The following PARP8 variants were observed in gnomAD, a reference collection of about 807,000 sequenced individuals.
PARP8 encodes protein mono-ADP-ribosyltransferase PARP8.
In PARP8, 51 loss-of-function variants were observed where a neutral mutation model predicts 124.1. The observed-to-expected ratio is 0.41, with a 90% confidence interval of 0.33 to 0.52. PARP8 has a LOEUF of 0.52. Among genes scored for constraint, PARP8 ranks in the 20% least tolerant of loss-of-function variants. PARP8 has a pLI of 0.21. For missense variants in PARP8, 860 were observed against 1,018.9 expected, an observed-to-expected ratio of 0.84 and a Z score of 2.12; for synonymous variants, 391 against 361.5, an observed-to-expected ratio of 1.08 and a Z score of -0.93.
intron 9 of PARP8, among the ~76,000 whole-genome samples, chr5:50,779,533 G>T (rs192461090): frequency 3.9e-5 from 6 of 152,166 alleles, no homozygotes; most frequent in Middle Eastern, 3.2e-3. Context: ...TCTTCATGTG[G>T]TTTGGACTTC....
chr5:50,668,337 C>T (rs940158223), intron 2 of PARP8: 28 of 586,610 alleles, frequency 4.8e-5, no homozygotes, highest in African/African-American at 3.6e-4. Context: ...GACCACGCCA[C>T]AGGCAATGAG....
At chr5:50,835,057 A>G in intron 25 of PARP8, 42 bp downstream of exon 25, 1 of 1,543,724 alleles carries the variant, frequency 6.5e-7, no homozygotes, top group Non-Finnish European at 8.9e-7. Context: ...TGTCTTTGCC[A>G]CAAATGGGTT....
chr5:50,798,782 T>G (rs1380224906), intron 14 of PARP8, among the ~76,000 whole-genome samples: 1 of 152,220 alleles, frequency 6.6e-6, no homozygotes, highest in Non-Finnish European at 1.5e-5. Context: ...ACTTCCCTGA[T>G]GACTGACTAA....
chr5:50,792,529 GTCTT>G (rs1394589774), intron 10 of PARP8, among the ~76,000 whole-genome samples: 1 of 151,398 alleles, frequency 6.6e-6, no homozygotes. Context: ...AGCACTTGCC[GTCTT>G]TCTTAAAGAA....
At chr5:50,754,150 T>TATATATATACAC (rs1312947286) in intron 3 of PARP8, among the ~76,000 whole-genome samples, 9 of 37,192 alleles carry the variant, frequency 2.4e-4, no homozygotes, top group African/African-American at 1.1e-3. Context: ...TATATATATA[T>TATATATATACAC]ACACACACAC....
chr5:50,778,007 AAC>A, intron 7 of PARP8, 60 bp from the exon 8 acceptor site: 1 of 1,257,288 alleles, frequency 8.0e-7, no homozygotes. Context: ...AAAATAACCT[AAC>A]ACACACCATC....
intron 7 of PARP8, among the ~76,000 whole-genome samples, chr5:50,776,349 T>C (rs917872584): frequency 2.0e-5 from 3 of 152,214 alleles, no homozygotes; most frequent in African/African-American, 7.2e-5. Context: ...TGTAGTTTTC[T>C]TTTTGTTGTT....
chr5:50,674,288 T>C (rs2149435997), intron 2 of PARP8, among the ~76,000 whole-genome samples: 1 of 152,340 alleles, frequency 6.6e-6, no homozygotes, highest in Non-Finnish European at 1.5e-5. Context: ...CAGTATCACA[T>C]CTTTTGAGCC....
intron 2 of PARP8, 61 bp downstream of exon 2, chr5:50,668,186 T>C (rs1457215593): frequency 2.1e-6 from 3 of 1,437,840 alleles, no homozygotes; most frequent in African/African-American, 1.4e-5. Context: ...CCTTTGTTCT[T>C]AGCGTGTTCC....
rs73102808 is a variant in PARP8, at chr5:50,799,760, C to T, written c.1575+2527C>T. Among the ~76,000 whole-genome samples, 141 of 152,234 alleles carry T rather than the reference C, an allele frequency of 9.3e-4. 1 individual carries two copies. Among genetic ancestry groups the T allele is most frequent in the African/African-American group, 3.3e-3 (136 of 41,536 alleles). ...TGGGTTGTTTGGAAGGCGATTAGGT[C>T]ATGAGGGTGGTGCCCTCATGAACAG... On this transcript the variant is annotated intron_variant, in intron 14 of 25. Transcript: ENST00000281631.
intron 2 of PARP8, among the ~76,000 whole-genome samples, chr5:50,723,194 TA>T (rs1326521653): frequency 6.6e-6 from 1 of 152,106 alleles, no homozygotes; most frequent in Admixed American, 6.6e-5. Context: ...TTTGATAAAT[TA>T]AAAAATATTT....
At chr5:50,817,541 G>C (rs1185539169) in intron 15 of PARP8, among the ~76,000 whole-genome samples, 2 of 152,120 alleles carry the variant, frequency 1.3e-5, no homozygotes, top group Admixed American at 6.5e-5. Context: ...CCATTGCAGG[G>C]GACTTGCCTG....
rs759922035 is a variant in PARP8 at position 50,826,036 on chromosome 5, T to C, written c.1929-719T>C. Among the ~76,000 whole-genome samples, 105 of 152,210 alleles carry C rather than the reference T, an allele frequency of 6.9e-4. No individual in the cohort carries two copies. In the Middle Eastern group the frequency reaches 0.01, roughly 15 times the overall value. On this transcript the variant is annotated intron_variant, in intron 18 of 25. Transcript: ENST00000281631. ...AATTTCCATTGTAACCTTTAAATTT[T>C]TCTCATTGTTATATTCAGATTGAAG...
intron 2 of PARP8, among the ~76,000 whole-genome samples, chr5:50,686,844 A>G (rs986356706): frequency 1.3e-5 from 2 of 152,144 alleles, no homozygotes; most frequent in African/African-American, 4.8e-5. Flanking sequence ...GACGCAGGGC[A>G]TGGAGTCCCT....
intron 2 of PARP8, among the ~76,000 whole-genome samples, chr5:50,732,369 T>G (rs530155247): frequency 6.6e-6 from 1 of 152,344 alleles, no homozygotes; most frequent in South Asian, 2.1e-4. Flanking sequence ...TTATAATTTT[T>G]AAAACCAGTT....
At chr5:50,707,904 T>C (rs1310257383) in intron 2 of PARP8, among the ~76,000 whole-genome samples, 1 of 152,108 alleles carries the variant, frequency 6.6e-6, no homozygotes, top group East Asian at 1.9e-4. Context: ...GTTATATTAT[T>C]GAGTATTTAT....
At chr5:50,675,466 G>A (rs535142692) in intron 2 of PARP8, among the ~76,000 whole-genome samples, 1 of 152,044 alleles carries the variant, frequency 6.6e-6, no homozygotes, top group Non-Finnish European at 1.5e-5. Context: ...CACCACGGCC[G>A]GCTAATTTTT....
intron 3 of PARP8, among the ~76,000 whole-genome samples, chr5:50,757,497 A>T (rs1760094668): frequency 6.6e-6 from 1 of 152,168 alleles, no homozygotes; most frequent in South Asian, 2.1e-4. Context: ...TTTAATAAAT[A>T]ATGTCATAAA....
At chr5:50,709,183 A>G (rs747041688) in intron 2 of PARP8, among the ~76,000 whole-genome samples, 1 of 151,866 alleles carries the variant, frequency 6.6e-6, no homozygotes, top group African/African-American at 2.4e-5. Context: ...AGTGATACTC[A>G]GTTTCTTATA....
Sources: gnomAD v4.1 joint callset for allele counts (sites outside exome capture counted in the v4.1 genomes callset) on GRCh38, gnomAD v4.1.1 for gene constraint, MANE v1.5 for transcripts, NCBI Gene and HGNC (gene_info 2026-07-23, HGNC 2026-07-21) for gene names.